SCNN1D: variants seen among roughly 807,000 people sequenced by gnomAD.
SCNN1D encodes the protein epithelial sodium channel subunit delta.
In SCNN1D, 104 loss-of-function variants were observed where a neutral mutation model predicts 87.8. The observed-to-expected ratio is 1.18, with a 90% CI of 1.01 to 1.39. The LOEUF is 1.39. Ranked by LOEUF, SCNN1D falls within the 40% of genes most tolerant of loss-of-function variation. The pLI is 0.00. For missense variants in SCNN1D, 1,324 were observed against 1,093.9 expected (o/e 1.21, Z -2.97); for synonymous variants, 628 against 481.2 (o/e 1.31, Z -3.99).
chr1:1,288,278 C>G (rs1390928261), intron 12 of SCNN1D, among the ~76,000 whole-genome samples: 1 of 68,242 alleles, frequency 1.5e-5, no homozygotes, highest in Non-Finnish European at 2.2e-5. Context: ...CTCCGTCCCC[C>G]GAGTCTCTGC....
chr1:1,280,479 AAG>A lies in SCNN1D; in HGVS notation c.-180_-179del, dbSNP rs1055557737. The A allele has an allele frequency of 4.9e-5, 24 of 489,546 alleles. No individual in the cohort carries two copies. Among genetic ancestry groups the A allele is most frequent in the Admixed American group, 2.0e-4 (6 of 29,484 alleles). 30.3% of individuals were successfully genotyped at this position (489,546 alleles called of 1,614,324 possible). On this transcript the variant is annotated 5_prime_UTR_variant, in exon 1 of 18. Coordinates refer to ENST00000379116, the MANE Select transcript of SCNN1D (RefSeq NM_001130413.4). Reference sequence around the variant, plus strand: ...TCCATCTCAATAAATAAAAAAAAAAAAGAGTTGTTATCAGTAGAAGGGAATGT... The same window carrying A: ...TCCATCTCAATAAATAAAAAAAAAAAAGTTGTTATCAGTAGAAGGGAATGT...
At chr1:1,288,063 G>C (rs759373321) in intron 12 of SCNN1D, 26 bp downstream of exon 12, 9 of 1,484,366 alleles carry the variant, frequency 6.1e-6, no homozygotes, top group Non-Finnish European at 8.2e-6. Flanking sequence ...CAGGGGGTGC[G>C]GGGGCAGGTG....
Position 1,285,813 on chromosome 1 carries a change from G to A in SCNN1D, c.559-113G>A, listed in dbSNP as rs558558284. 95 of 1,248,206 alleles carry A rather than the reference G, an allele frequency of 7.6e-5. 1 individual carries two copies. The highest frequency in any genetic ancestry group is 9.7e-5 in the Non-Finnish European group (88 of 906,080). 77.3% of individuals were successfully genotyped at this position (1,248,206 alleles called of 1,614,324 possible). ...AGAGCACCCTGGGAGGGGCTTGTCC[G>A]AGCGACCGAGCAGGTAGGGCGGGGC... is the stretch of plus-strand genomic sequence containing the variant. On this transcript the variant is annotated intron_variant, in intron 6 of 17. Transcript: ENST00000379116.
At position 1,280,572 on chromosome 1, in the gene SCNN1D, C is replaced by A. The variant is rs1640450174; in HGVS notation, c.-90C>A. On this transcript the variant is annotated 5_prime_UTR_variant, in exon 1 of 18. Coordinates refer to ENST00000379116, the MANE Select transcript of SCNN1D (RefSeq NM_001130413.4). Reference sequence around the variant, plus strand: ...CAGATGAAGCCACCAGGTCACAAGCCTCAGAGAGAATCAACTATAAATGCT... The same window carrying A: ...CAGATGAAGCCACCAGGTCACAAGCATCAGAGAGAATCAACTATAAATGCT... 2 of 677,554 alleles carry A rather than the reference C, an allele frequency of 3.0e-6. No individual in the cohort carries two copies. Among genetic ancestry groups the A allele is most frequent in the African/African-American group, 3.5e-5 (2 of 56,858 alleles). The allele number at this position is 677,554 out of a possible 1,614,324, so 42.0% of individuals were successfully genotyped here.
At chr1:1,288,147 A>G (rs370058418) in intron 12 of SCNN1D, 110 bp downstream of exon 12, 1 of 806,410 alleles carries the variant, frequency 1.2e-6, no homozygotes. Context: ...GGGCCTGGGA[A>G]CGGGGCAGTC....
In SCNN1D at chr1:1,287,132, C is replaced by T; in HGVS notation, c.1143C>T (p.Cys381=). 4.4e-6 allele frequency: 7 copies of T among 1,600,680 alleles called. No individual in the cohort carries two copies. Among genetic ancestry groups the T allele is most frequent in the Non-Finnish European group, 5.1e-6 (6 of 1,170,768 alleles). Residue 381 remains cysteine, a synonymous_variant, in exon 9 of 18, where the codon TGC becomes TGT. Coordinates refer to ENST00000379116, the MANE Select transcript of SCNN1D (RefSeq NM_001130413.4). ...AGTGCAACAGCACGGGCGGCGACTGCTTTTACCGAGGCTACACGTCAGGCG... is the reference window on the plus strand; with the variant it reads ...AGTGCAACAGCACGGGCGGCGACTGTTTTTACCGAGGCTACACGTCAGGCG... The part of the protein sequence containing the change: ...FRLCNSTGGD[C]FYRGYTSGVA...
At chr1:1,285,401 C>T (rs1419423084) in intron 5 of SCNN1D, among the ~76,000 whole-genome samples, 170 bp from the exon 6 acceptor site, 2 of 152,246 alleles carry the variant, frequency 1.3e-5, no homozygotes, top group African/African-American at 4.8e-5. Flanking sequence ...GTGTCCAGGC[C>T]AGACGCTTCC....
intron 1 of SCNN1D, chr1:1,281,015 A>AGGACCCCAGAG: frequency 3.3e-6 from 2 of 598,146 alleles, no homozygotes; most frequent in Non-Finnish European, 6.0e-6. Flanking sequence ...GCCTGGGTGC[A>AGGACCCCAGAG]GGACCCCAGA....
intron 12 of SCNN1D, 27 bp from the exon 13 acceptor site, chr1:1,290,244 G>A (rs1416134159): frequency 2.3e-5 from 34 of 1,506,504 alleles, no homozygotes; most frequent in Non-Finnish European, 2.8e-5. Context: ...TCCATCCCAT[G>A]TCCCTGCTCA....
At chr1:1,286,702 C>A (rs375699275) in intron 7 of SCNN1D, 66 bp from the exon 8 acceptor site, 5 of 1,482,504 alleles carry the variant, frequency 3.4e-6, no homozygotes, top group Middle Eastern at 1.8e-4. Context: ...ACAGCACACA[C>A]TGGGATGCTG....
chr1:1,286,158 G>C lies in SCNN1D; in HGVS notation c.791G>C (p.Cys264Ser). ...LLSLGALVAL[C>S]WQLGLLFERH... Reference sequence around the variant, plus strand: ...TCCCTGGGAGCCCTGGTCGCGCTCTGCTGGCAGCTGGGGCTCCTCTTTGAG... The same window carrying C: ...TCCCTGGGAGCCCTGGTCGCGCTCTCCTGGCAGCTGGGGCTCCTCTTTGAG... Residue 264 changes from cysteine to serine, a missense_variant, in exon 7 of 18, where the codon TGC (cysteine) becomes TCC (serine). Cys to Ser is a moderately radical substitution (Grantham distance 112). Transcript: ENST00000379116. 2 of 1,607,966 alleles carry C rather than the reference G, an allele frequency of 1.2e-6. No individual in the cohort carries two copies. The highest frequency in any genetic ancestry group is 8.5e-7 in the Non-Finnish European group (1 of 1,179,132).
At chr1:1,283,892 T>G in intron 4 of SCNN1D, 86 bp from the exon 5 acceptor site, 1 of 645,122 alleles carries the variant, frequency 1.6e-6, no homozygotes, top group Non-Finnish European at 2.4e-6. Context: ...ATTCCCCTTT[T>G]GGGTCCGGGG....
chr1:1,285,842 G>A (rs934275694), intron 6 of SCNN1D, 84 bp from the exon 7 acceptor site: 104 of 1,385,540 alleles, frequency 7.5e-5, no homozygotes, highest in Admixed American at 2.2e-5. Flanking sequence ...GCGGGGCACT[G>A]GTGGCTGACA....
At chr1:1,290,803 C>T in intron 15 of SCNN1D, 92 bp from the exon 16 acceptor site, 2 of 1,574,484 alleles carry the variant, frequency 1.3e-6, no homozygotes, top group Non-Finnish European at 1.7e-6. Context: ...CCAGCCTATG[C>T]CCCGTGGTCT....
At chr1:1,282,706 C>T (rs6603788) in intron 4 of SCNN1D, among the ~76,000 whole-genome samples, 44,083 of 151,494 alleles carry the variant, frequency 0.29, 11,336 homozygotes, top group African/African-American at 0.64. Context: ...TATTAGCATA[C>T]GTGTGTGGTC....
chr1:1,287,554 G>A lies in SCNN1D; in HGVS notation c.1357G>A (p.Val453Ile). The A allele has an allele frequency of 6.4e-7, 1 of 1,551,324 alleles. No homozygotes were observed. The highest frequency in any genetic ancestry group is 8.7e-7 in the Non-Finnish European group (1 of 1,145,850). ...CCCCACCTACGGCAGCTGCTACACGGTCGATGGCGTCTGGACAGCTCAGCG... is the reference window on the plus strand; with the variant it reads ...CCCCACCTACGGCAGCTGCTACACGATCGATGGCGTCTGGACAGCTCAGCG... ...HHPTYGSCYT[V>I]DGVWTAQRPG... The change falls in exon 10 of 18, where the codon GTC becomes ATC. Residue 453 changes from valine to isoleucine, a missense_variant. Physicochemically the swap from Val to Ile is conservative, Grantham distance 29. Coordinates refer to ENST00000379116, the MANE Select transcript of SCNN1D (RefSeq NM_001130413.4).
chr1:1,283,952 A>G, intron 4 of SCNN1D, 26 bp from the exon 5 acceptor site: 1 of 1,389,244 alleles, frequency 7.2e-7, no homozygotes, highest in Non-Finnish European at 9.5e-7. Flanking sequence ...GCACAGTCCC[A>G]CGCCCAGCCA....
Position 1,290,189 on chromosome 1 carries a change from TCC to T in SCNN1D, c.1663-80_1663-79del, listed in dbSNP as rs1418883761. On this transcript the variant is annotated intron_variant, in intron 12 of 17. Transcript: ENST00000379116. ...TCCCGTGTCCCTGCTCCGTCCCGTG[TCC>T]CTGCTCCGTCCCGTGTCTCTGCCCC... The T allele has an allele frequency of 4.5e-6, 4 of 884,832 alleles. 1 individual carries two copies. Among genetic ancestry groups the T allele is most frequent in the East Asian group, 5.6e-5 (2 of 35,734 alleles). The allele number at this position is 884,832 out of a possible 1,614,324, so 54.8% of individuals were successfully genotyped here. A position where few individuals can be genotyped will look rare whatever the true frequency, so the allele number is the denominator to read the frequency against.
chr1:1,286,715 G>A (rs1640599082), intron 7 of SCNN1D, 53 bp from the exon 8 acceptor site: 18 of 1,533,742 alleles, frequency 1.2e-5, no homozygotes, highest in Non-Finnish European at 1.5e-5. Flanking sequence ...GGATGCTGGG[G>A]CCAGTGTGAG....
Sources: gnomAD v4.1 joint callset for allele counts (sites outside exome capture counted in the v4.1 genomes callset) on GRCh38, gnomAD v4.1.1 for gene constraint, MANE v1.5 for transcripts, NCBI Gene and HGNC (gene_info 2026-07-23, HGNC 2026-07-21) for gene names.